Variants in NEO1 observed in about 807,000 individuals in gnomAD.
NEO1 encodes neogenin.
A neutral mutation model predicts 159.7 loss-of-function variants in NEO1; 63 were observed. That is an observed-to-expected ratio of 0.39 (90% CI 0.32 to 0.49). NEO1 has a LOEUF of 0.49. Ranked by LOEUF, NEO1 falls within the 20% of genes least tolerant of loss-of-function variation. The pLI, the probability that NEO1 is intolerant of heterozygous loss-of-function variation, is 0.85. For synonymous variants in NEO1, 633 were observed against 662.0 expected (o/e 0.96, Z 0.67); for missense variants, 1,615 against 1,831.0 (o/e 0.88, Z 2.15).
At chr15:73,177,284 G>A (rs530817566) in intron 6 of NEO1, among the ~76,000 whole-genome samples, 1 of 152,104 alleles carries the variant, frequency 6.6e-6, no homozygotes, top group Admixed American at 6.5e-5. Context: ...CATACCTTGA[G>A]ATCTATACAT....
At chr15:73,266,471 T>C (rs1312384311) in intron 16 of NEO1, 60 bp downstream of exon 16, 6 of 1,316,618 alleles carry the variant, frequency 4.6e-6, no homozygotes, top group Non-Finnish European at 6.4e-6. Flanking sequence ...GGCAGAATAT[T>C]GGCATGAGGC....
chr15:73,165,767 G>T (rs967602157), intron 5 of NEO1, among the ~76,000 whole-genome samples: 3 of 152,250 alleles, frequency 2.0e-5, no homozygotes, highest in Non-Finnish European at 2.9e-5. Flanking sequence ...CGTTTTTACA[G>T]TTGAATGCAA....
intron 5 of NEO1, among the ~76,000 whole-genome samples, chr15:73,163,154 A>G (rs903334507): frequency 4.6e-5 from 7 of 151,700 alleles, no homozygotes; most frequent in Non-Finnish European, 7.4e-5. Context: ...TTAGATTTAC[A>G]TTTTCTGATT....
At chr15:73,069,353 C>T (rs1004354103) in intron 1 of NEO1, among the ~76,000 whole-genome samples, 3 of 151,692 alleles carry the variant, frequency 2.0e-5, no homozygotes, top group Admixed American at 6.6e-5. Flanking sequence ...GATGTCAGCA[C>T]GTTCTTTGAT....
chr15:73,208,689 C>T (rs1191156554), intron 7 of NEO1, among the ~76,000 whole-genome samples: 2 of 151,892 alleles, frequency 1.3e-5, no homozygotes, highest in African/African-American at 4.8e-5. Context: ...TGGTGAAATG[C>T]CGTCTCTACA....
chr15:73,086,610 G>C (rs1236855734), intron 1 of NEO1, among the ~76,000 whole-genome samples: 1 of 148,504 alleles, frequency 6.7e-6, no homozygotes, highest in African/African-American at 2.5e-5. Flanking sequence ...ACCCAGGCTG[G>C]AGTGCAGCAG....
Position 73,101,396 on chromosome 15 carries a change from C to T in NEO1, c.131-15144C>T, listed in dbSNP as rs77396174. Among the ~76,000 whole-genome samples the T allele has an allele frequency of 4.4e-3, 669 of 152,330 alleles. 3 individuals are homozygous for T. Among genetic ancestry groups the T allele is most frequent in the African/African-American group, 0.015 (639 of 41,574 alleles). On this transcript the variant is annotated intron_variant, in intron 1 of 28. Transcript: ENST00000261908. Reference sequence around the variant, plus strand: ...CTTCTGCCAAATTCTGGAGTATGCACGCTCTCACGCGCACGCGTGCGCACA... The same window carrying T: ...CTTCTGCCAAATTCTGGAGTATGCATGCTCTCACGCGCACGCGTGCGCACA...
chr15:73,267,900 A>C (rs9672588), intron 16 of NEO1, among the ~76,000 whole-genome samples: 64,901 of 152,018 alleles, frequency 0.43, 15,298 homozygotes, highest in Non-Finnish European at 0.53. Context: ...ATTTATTTCC[A>C]AAAATTTTGA....
At chr15:73,202,994 A>G (rs990901359) in intron 7 of NEO1, among the ~76,000 whole-genome samples, 12 of 152,178 alleles carry the variant, frequency 7.9e-5, no homozygotes, top group Admixed American at 4.6e-4. Context: ...TGTTACATCT[A>G]TATACCACAT....
chr15:73,243,898 T>C (rs529703847), intron 8 of NEO1, among the ~76,000 whole-genome samples: 43 of 152,346 alleles, frequency 2.8e-4, no homozygotes, highest in African/African-American at 1.0e-3. Flanking sequence ...ACCTCTAGCA[T>C]TCTTTTTATT....
At chr15:73,085,458 C>T (rs1231461841) in intron 1 of NEO1, among the ~76,000 whole-genome samples, 2 of 152,044 alleles carry the variant, frequency 1.3e-5, no homozygotes, top group Admixed American at 6.6e-5. Context: ...TAGGTTTTTG[C>T]GTCAACATGT....
chr15:73,222,463 A>G (rs2038349948), intron 7 of NEO1, among the ~76,000 whole-genome samples: 2 of 151,954 alleles, frequency 1.3e-5, no homozygotes, highest in South Asian at 4.2e-4. Context: ...TAGAGTATCT[A>G]ATTCCTGATT....
At chr15:73,084,955 A>G (rs1595936833) in intron 1 of NEO1, among the ~76,000 whole-genome samples, 1 of 152,156 alleles carries the variant, frequency 6.6e-6, no homozygotes. Context: ...AACCAGGTAT[A>G]CAGGGGCCTT....
Position 73,211,607 on chromosome 15 carries a change from C to T in NEO1, c.1292-24740C>T, listed in dbSNP as rs77237145. 1.1e-4 allele frequency among the ~76,000 whole-genome samples: 16 copies of T among 152,154 alleles called. No individual in the cohort carries two copies. The East Asian group carries it at 3.1e-3, about 30-fold the overall frequency. ...GCACATGCGTGTATTCCCAGCTACT[C>T]GGGAGGCTGAGGCAGGAGAATCACT... On this transcript the variant is annotated intron_variant, in intron 7 of 28. Coordinates refer to ENST00000261908, the MANE Select transcript of NEO1 (RefSeq NM_002499.4).
At chr15:73,073,580 G>A (rs529142257) in intron 1 of NEO1, among the ~76,000 whole-genome samples, 40 of 152,222 alleles carry the variant, frequency 2.6e-4, no homozygotes, top group Non-Finnish European at 3.5e-4. Context: ...GGGAGAACAC[G>A]GGGTTTTGAG....
Position 73,301,692 on chromosome 15 carries a change from G to A in NEO1, c.4302+235G>A, listed in dbSNP as rs2042622222. ...TCCACTCTTTTTTTTTTTTGAGACA[G>A]AATCTTGCTCTGTCTCCCAGGCTGG... On this transcript the variant is annotated intron_variant, in intron 28 of 28. Coordinates refer to ENST00000261908, the MANE Select transcript of NEO1 (RefSeq NM_002499.4). 1.3e-5 allele frequency: 7 copies of A among 530,346 alleles called. No individual in the cohort carries two copies. In the Admixed American group the frequency reaches 1.6e-4, roughly 12 times the overall value. The allele number at this position is 530,346 out of a possible 1,614,324, so 32.9% of individuals were successfully genotyped here.
chr15:73,273,301 A>G (rs2041259339), intron 19 of NEO1, among the ~76,000 whole-genome samples: 1 of 152,200 alleles, frequency 6.6e-6, no homozygotes, highest in African/African-American at 2.4e-5. Flanking sequence ...GCCTAAGGAA[A>G]TGGAAAGTGT....
chr15:73,249,744 C>T (rs370717008), intron 11 of NEO1, 23 bp downstream of exon 11: 50 of 1,595,568 alleles, frequency 3.1e-5, no homozygotes, highest in Non-Finnish European at 3.8e-5. Context: ...TCCTCTGGAA[C>T]GATATACCAC....
chr15:73,079,889 C>CT (rs2068956549), intron 1 of NEO1, among the ~76,000 whole-genome samples: 1 of 152,150 alleles, frequency 6.6e-6, no homozygotes, highest in African/African-American at 2.4e-5. Context: ...GATTTGGCAA[C>CT]TTTCTTCTAA....
Sources: allele counts gnomAD v4.1 joint callset (sites outside exome capture counted in the v4.1 genomes callset), GRCh38; gene constraint gnomAD v4.1.1; transcripts MANE v1.5; gene names NCBI Gene and HGNC (gene_info 2026-07-23, HGNC 2026-07-21).